The following MEGF9 variants were observed in gnomAD, a reference collection of about 807,000 sequenced individuals.
MEGF9 encodes multiple epidermal growth factor-like domains protein 9.
MEGF9 carries 6 observed loss-of-function variants against 46.8 expected under a neutral mutation model. The ratio of observed to expected loss-of-function variants is 0.13; its 90% CI spans 0.07 to 0.25. The LOEUF (loss-of-function observed/expected upper bound fraction) is 0.25, where lower values mean the gene tolerates loss of function less well. MEGF9 is among the 10% of genes least tolerant of loss of function. The pLI is 1.00. For synonymous variants in MEGF9, 302 were observed against 330.7 expected (o/e 0.91, Z 0.94); for missense variants, 683 against 792.4 (o/e 0.86, Z 1.66).
At position 120,662,639 on chromosome 9, in the gene MEGF9, G is replaced by T. The variant is rs139935527; in HGVS notation, c.602-3064C>A. ...ATAATAATAGTAGCTATACCACTCAGTCCCAATACTTAAGCTGGAAGTGCT... is the reference window on the plus strand; with the variant it reads ...ATAATAATAGTAGCTATACCACTCATTCCCAATACTTAAGCTGGAAGTGCT... On this transcript the variant is annotated intron_variant, in intron 1 of 5. Transcript: ENST00000373930. Among the ~76,000 whole-genome samples the T allele has an allele frequency of 2.5e-3, 379 of 152,270 alleles. 4 individuals are homozygous for T. Among genetic ancestry groups the T allele is most frequent in the African/African-American group, 8.4e-3 (348 of 41,558 alleles).
intron 1 of MEGF9, among the ~76,000 whole-genome samples, chr9:120,697,000 A>G (rs998557029): frequency 7.9e-5 from 12 of 152,162 alleles, no homozygotes; most frequent in Non-Finnish European, 1.8e-4. Context: ...GTAAGGAGAG[A>G]AGTTTACAAA....
At chr9:120,607,691 C>T (rs762808714) in intron 5 of MEGF9, 50 bp downstream of exon 5, 2 of 1,581,446 alleles carry the variant, frequency 1.3e-6, no homozygotes, top group South Asian at 1.1e-5. Flanking sequence ...TTCCATTTTT[C>T]ACTGCTAGTT....
intron 1 of MEGF9, among the ~76,000 whole-genome samples, chr9:120,661,830 A>C (rs1243292036): frequency 6.6e-6 from 1 of 152,216 alleles, no homozygotes; most frequent in Admixed American, 6.5e-5. Context: ...ACAACTTCAT[A>C]ACAAGACCTT....
intron 1 of MEGF9, among the ~76,000 whole-genome samples, chr9:120,673,897 A>C (rs2043761157): frequency 6.9e-6 from 1 of 144,548 alleles, no homozygotes; most frequent in Admixed American, 7.4e-5. Context: ...TTGAACTCAG[A>C]GGGCGGAGCT....
chr9:120,605,956 G>A lies in MEGF9; in HGVS notation c.1358-315C>T, dbSNP rs1197452199. Among the ~76,000 whole-genome samples the A allele has an allele frequency of 6.6e-6, 1 of 151,892 alleles. No individual in the cohort carries two copies. The highest frequency in any genetic ancestry group is 1.5e-5 in the Non-Finnish European group (1 of 67,950). ...TGGGCGGCCGAGGGTGGTGGATCAC[G>A]AGGTCAGGAGTTCAAGACCAGCCTG... On this transcript the variant is annotated intron_variant, in intron 5 of 5. Transcript: ENST00000373930. This position sits in a 1 kb window ranked among gnomAD's most constrained non-coding sequence, Gnocchi z 4.0.
intron 1 of MEGF9, among the ~76,000 whole-genome samples, chr9:120,665,065 C>T (rs1279684626): frequency 6.6e-6 from 1 of 152,134 alleles, no homozygotes; most frequent in African/African-American, 2.4e-5. Context: ...GAGTAAATTA[C>T]AGTTAACTAT....
In MEGF9 at chr9:120,602,542, T is replaced by A. The variant is rs1008968174; in HGVS notation, c.*2648A>T. 4 of 152,384 alleles carry A rather than the reference T, an allele frequency of 2.6e-5. No homozygotes were observed. The highest frequency in any genetic ancestry group is 4.4e-5 in the Non-Finnish European group (3 of 68,044). The allele number at this position is 152,384 out of a possible 1,614,324, so 9.4% of individuals were successfully genotyped here. On this transcript the variant is annotated 3_prime_UTR_variant, in exon 6 of 6. Coordinates refer to ENST00000373930, the MANE Select transcript of MEGF9 (RefSeq NM_001080497.3). ...ACAAATTTTAAGACTTTTTTTCCCA[T>A]TGAGAAAAATTATAACCATGATCTA...
chr9:120,667,666 G>A (rs538369030), intron 1 of MEGF9, among the ~76,000 whole-genome samples: 49 of 152,072 alleles, frequency 3.2e-4, no homozygotes, highest in Non-Finnish European at 1.2e-4. Flanking sequence ...GAAAAATATT[G>A]TCAAAATCAA....
chr9:120,711,413 T>C (rs2043952577), intron 1 of MEGF9, among the ~76,000 whole-genome samples: 1 of 152,240 alleles, frequency 6.6e-6, no homozygotes, highest in African/African-American at 2.4e-5. Flanking sequence ...CATTTTGATT[T>C]TTTAAAATCT....
chr9:120,652,590 GCACA>G lies in MEGF9; in HGVS notation c.803+6780_803+6783del, dbSNP rs141794570. Among the ~76,000 whole-genome samples the G allele has an allele frequency of 3.8e-4, 51 of 134,176 alleles. 1 individual carries two copies. Among genetic ancestry groups the G allele is most frequent in the African/African-American group, 8.5e-4 (32 of 37,582 alleles). The allele number at this position is 134,176 out of a possible 152,430, so 88.0% of individuals were successfully genotyped here. The stretch of plus-strand genomic sequence containing the variant: ...TACGTGCCAGTCTAAGTGGACACAG[GCACA>G]CACACACACACACACACACGTATGT... On this transcript the variant is annotated intron_variant, in intron 2 of 5. Coordinates refer to ENST00000373930, the MANE Select transcript of MEGF9 (RefSeq NM_001080497.3).
chr9:120,644,226 T>C (rs574716971), intron 2 of MEGF9, among the ~76,000 whole-genome samples: 10 of 152,338 alleles, frequency 6.6e-5, no homozygotes, highest in Non-Finnish European at 1.3e-4. Context: ...TTTTCTTGTC[T>C]CTTATGACCT....
At chr9:120,623,817 A>G (rs910627211) in intron 2 of MEGF9, among the ~76,000 whole-genome samples, 3 of 152,244 alleles carry the variant, frequency 2.0e-5, no homozygotes, top group Non-Finnish European at 2.9e-5. Context: ...TATAAAGAAC[A>G]TAATGTACCT....
intron 3 of MEGF9, among the ~76,000 whole-genome samples, chr9:120,614,486 T>C (rs1213679906): frequency 6.6e-6 from 1 of 152,224 alleles, no homozygotes; most frequent in Non-Finnish European, 1.5e-5. Context: ...GTAGTATATA[T>C]TCATGCTGTG....
chr9:120,711,317 A>G (rs1003237957), intron 1 of MEGF9, among the ~76,000 whole-genome samples: 3 of 152,200 alleles, frequency 2.0e-5, no homozygotes, highest in African/African-American at 7.2e-5. Flanking sequence ...AATAAAGTAG[A>G]CCCTAGATAC....
intron 1 of MEGF9, among the ~76,000 whole-genome samples, chr9:120,672,536 A>C (rs554015153): frequency 6.6e-6 from 1 of 152,294 alleles, no homozygotes; most frequent in South Asian, 2.1e-4. Context: ...TGGAAGGATC[A>C]CTTGAGCCCA....
At chr9:120,618,487 C>T (rs1261190737) in intron 3 of MEGF9, among the ~76,000 whole-genome samples, 3 of 152,066 alleles carry the variant, frequency 2.0e-5, no homozygotes, top group African/African-American at 7.2e-5. Context: ...ACATGAAGTT[C>T]CAGTTTTAAA....
chr9:120,642,690 A>T (rs75538779), intron 2 of MEGF9, among the ~76,000 whole-genome samples: 5,867 of 152,278 alleles, frequency 0.039, 380 homozygotes, highest in African/African-American at 0.13. Flanking sequence ...ATCTGTTTTA[A>T]TGGACATTCT....
chr9:120,669,194 A>G (rs2043738099), intron 1 of MEGF9, among the ~76,000 whole-genome samples: 1 of 152,218 alleles, frequency 6.6e-6, no homozygotes, highest in African/African-American at 2.4e-5. Context: ...TTGAAAATTT[A>G]GAATGTATAT....
At chr9:120,693,857 T>C (rs1435424671) in intron 1 of MEGF9, among the ~76,000 whole-genome samples, 1 of 151,904 alleles carries the variant, frequency 6.6e-6, no homozygotes, top group East Asian at 1.9e-4. Context: ...ACTTTACTCA[T>C]CTGACTCATA....
Sources: allele counts gnomAD v4.1 joint callset (sites outside exome capture counted in the v4.1 genomes callset), GRCh38; gene constraint gnomAD v4.1.1; non-coding constraint Gnocchi (gnomAD v3.1); transcripts MANE v1.5; gene names NCBI Gene and HGNC (gene_info 2026-07-23, HGNC 2026-07-21).